The following CHN2 variants were observed in gnomAD, a reference collection of about 807,000 sequenced individuals.
CHN2 encodes the protein beta-chimaerin.
In CHN2, 35 loss-of-function variants were observed where a neutral mutation model predicts 56.3. The observed-to-expected ratio is 0.62, with a 90% confidence interval of 0.47 to 0.82. The LOEUF is 0.82. Among genes scored for constraint, CHN2 ranks in the 40% least tolerant of loss-of-function variants. The pLI is 0.00. For synonymous variants in CHN2, 210 were observed against 212.8 expected (o/e 0.99, Z 0.12); for missense variants, 491 against 580.5 (o/e 0.85, Z 1.58).
At chr7:29,332,229 A>C (rs968269478) in intron 1 of CHN2, among the ~76,000 whole-genome samples, 13 of 152,162 alleles carry the variant, frequency 8.5e-5, no homozygotes, top group Admixed American at 7.9e-4. Context: ...TTCTGGGGCA[A>C]TTTTCTCTCT....
intron 9 of CHN2, among the ~76,000 whole-genome samples, chr7:29,502,264 G>A (rs991925779): frequency 6.6e-6 from 1 of 152,154 alleles, no homozygotes; most frequent in East Asian, 1.9e-4. Context: ...GGAATAGTCT[G>A]TTCCACCGTG....
intron 1 of CHN2, among the ~76,000 whole-genome samples, chr7:29,332,350 A>G (rs1366101582): frequency 1.3e-5 from 2 of 152,234 alleles, no homozygotes; most frequent in African/African-American, 4.8e-5. Flanking sequence ...CCTGGAACAG[A>G]GCACTCTAAA....
chr7:29,149,316 C>T (rs1473781489), intron 2 of CHN2, among the ~76,000 whole-genome samples: 5 of 151,514 alleles, frequency 3.3e-5, no homozygotes, highest in Non-Finnish European at 5.9e-5. Flanking sequence ...TTCAGCCCCC[C>T]GAGTAAGCTG....
Position 29,483,918 on chromosome 7 carries a change from G to A in CHN2, c.654+3562G>A, listed in dbSNP as rs981012324. ...CTCAGTTCCCTCATCTATAAAATGG[G>A]AGTGTTGGGAGGTTTAAAGAATACA... On this transcript the variant is annotated intron_variant, in intron 7 of 12. Coordinates refer to ENST00000222792, the MANE Select transcript of CHN2 (RefSeq NM_004067.4). The A allele has an allele frequency of 6.2e-6, 8 of 1,290,364 alleles. No individual in the cohort carries two copies. In the African/African-American group the frequency reaches 1.1e-4, roughly 17 times the overall value. The allele number at this position is 1,290,364 out of a possible 1,614,324, so 79.9% of individuals were successfully genotyped here. A position where few individuals can be genotyped will look rare whatever the true frequency, so the allele number is the denominator to read the frequency against.
intron 1 of CHN2, among the ~76,000 whole-genome samples, chr7:29,299,969 A>G (rs1266971748): frequency 1.3e-5 from 2 of 152,168 alleles, no homozygotes; most frequent in Non-Finnish European, 2.9e-5. Context: ...CATAGAGTAA[A>G]AAACTGGAGG....
intron 1 of CHN2, among the ~76,000 whole-genome samples, chr7:29,243,172 G>A (rs927669897): frequency 6.6e-6 from 1 of 152,002 alleles, no homozygotes; most frequent in African/African-American, 2.4e-5. Flanking sequence ...AGAAAAATAG[G>A]ACTCAATTTT....
intron 1 of CHN2, among the ~76,000 whole-genome samples, chr7:29,205,860 C>CAA (rs368608160): frequency 7.9e-5 from 12 of 151,822 alleles, no homozygotes; most frequent in African/African-American, 2.9e-4. Flanking sequence ...GCAATATATA[C>CAA]AAAAAAAATC....
At chr7:29,382,400 G>A (rs1800581807) in intron 3 of CHN2, among the ~76,000 whole-genome samples, 2 of 152,288 alleles carry the variant, frequency 1.3e-5, no homozygotes, top group South Asian at 2.1e-4. Flanking sequence ...AAGCAGACAG[G>A]GGAACAAGTT....
upstream of CHN2, chr7:29,193,087 T>C (rs950813325): frequency 6.6e-6 from 1 of 152,226 alleles, no homozygotes; most frequent in Non-Finnish European, 1.5e-5. Context: ...TGCGGGCGCT[T>C]GGGTCTCCTT....
intron 6 of CHN2, among the ~76,000 whole-genome samples, chr7:29,478,353 G>A (rs1392576986): frequency 6.6e-6 from 1 of 152,116 alleles, no homozygotes; most frequent in African/African-American, 2.4e-5. Context: ...GCAATGCCAG[G>A]ACACAGTTAA....
intron 6 of CHN2, among the ~76,000 whole-genome samples, chr7:29,447,306 G>A (rs1172513728): frequency 4.6e-5 from 7 of 152,258 alleles, no homozygotes; most frequent in Middle Eastern, 3.4e-3. Context: ...AAATTCTAAC[G>A]CCTAAGATGT....
At chr7:29,455,117 G>A (rs1051247209) in intron 6 of CHN2, among the ~76,000 whole-genome samples, 3 of 152,134 alleles carry the variant, frequency 2.0e-5, no homozygotes, top group Non-Finnish European at 4.4e-5. Context: ...GCTGATTCCA[G>A]GCTACGGATG....
At chr7:29,422,022 T>C (rs977685616) in intron 6 of CHN2, among the ~76,000 whole-genome samples, 2 of 133,258 alleles carry the variant, frequency 1.5e-5, no homozygotes, top group African/African-American at 2.9e-5. Flanking sequence ...CATAGGGACA[T>C]AAAATTCCCT....
chr7:29,486,948 GGAA>G (rs1241749145), intron 7 of CHN2, among the ~76,000 whole-genome samples: 2 of 152,088 alleles, frequency 1.3e-5, no homozygotes, highest in Admixed American at 6.5e-5. Flanking sequence ...CATTTGCTTT[GGAA>G]GAAGACTTTT....
intron 6 of CHN2, among the ~76,000 whole-genome samples, chr7:29,472,289 A>ACG (rs983683285): frequency 2.7e-5 from 4 of 150,384 alleles, no homozygotes; most frequent in African/African-American, 9.9e-5. Context: ...ACACACACAC[A>ACG]CACACACACG....
At chr7:29,160,927 T>C (rs1795089640) in intron 2 of CHN2, among the ~76,000 whole-genome samples, 1 of 152,220 alleles carries the variant, frequency 6.6e-6, no homozygotes, top group South Asian at 2.1e-4. Context: ...TTTATAAATA[T>C]CTGTCACCCC....
chr7:29,159,274 G>A (rs1794851648), intron 2 of CHN2, among the ~76,000 whole-genome samples: 1 of 152,174 alleles, frequency 6.6e-6, no homozygotes, highest in Non-Finnish European at 1.5e-5. Context: ...CACAGAAGAG[G>A]TCACGTGGTT....
Position 29,165,558 on chromosome 7 carries a change from C to T in CHN2, c.274+18598C>T, listed in dbSNP as rs114991557. On this transcript the variant is annotated intron_variant, in intron 2 of 6. Coordinates refer to the CHN2 transcript ENST00000439384. Reference sequence around the variant, plus strand: ...ATGCCTTTGTTATTTCTTTTTCTTTCATTAATACATTTGCCATAATCTTTG... The same window carrying T: ...ATGCCTTTGTTATTTCTTTTTCTTTTATTAATACATTTGCCATAATCTTTG... 5.7e-3 allele frequency among the ~76,000 whole-genome samples: 860 copies of T among 152,092 alleles called. 8 individuals carry two copies. The highest frequency in any genetic ancestry group is 0.02 in the African/African-American group (825 of 41,510).
At chr7:29,429,496 G>A (rs971089625) in intron 6 of CHN2, among the ~76,000 whole-genome samples, 1 of 152,146 alleles carries the variant, frequency 6.6e-6, no homozygotes, top group African/African-American at 2.4e-5. Context: ...TACTTTATAA[G>A]TTGAGAAATT....
Sources: allele counts gnomAD v4.1 joint callset (sites outside exome capture counted in the v4.1 genomes callset), GRCh38; gene constraint gnomAD v4.1.1; transcripts MANE v1.5; gene names NCBI Gene and HGNC (gene_info 2026-07-23, HGNC 2026-07-21).